Variants in DLG2 observed in about 807,000 individuals in gnomAD.
DLG2 encodes the protein disks large homolog 2.
In DLG2, 45 loss-of-function variants were observed where a neutral mutation model predicts 132.5. The ratio of observed to expected loss-of-function variants is 0.34; its 90% confidence interval spans 0.27 to 0.44. DLG2 has a LOEUF of 0.44. Ranked by LOEUF, DLG2 falls within the 20% of genes least tolerant of loss-of-function variation. DLG2 has a pLI of 1.00. For synonymous variants in DLG2, 424 were observed against 419.6 expected, an observed-to-expected ratio of 1.01 and a Z score of -0.13; for missense variants, 1,045 against 1,196.9, an observed-to-expected ratio of 0.87 and a Z score of 1.87.
chr11:83,756,868 T>A (rs2093670025), intron 18 of DLG2, among the ~76,000 whole-genome samples: 1 of 146,350 alleles, frequency 6.8e-6, no homozygotes, highest in African/African-American at 2.8e-5. Context: ...ATAGTTAGCC[T>A]TTCAGCTTTG....
At chr11:85,414,928 G>T (rs1344823795) in intron 3 of DLG2, among the ~76,000 whole-genome samples, 1 of 151,892 alleles carries the variant, frequency 6.6e-6, no homozygotes, top group East Asian at 1.9e-4. Context: ...TTTTACATAG[G>T]TATACACATG....
intron 18 of DLG2, among the ~76,000 whole-genome samples, chr11:83,657,621 A>C (rs975609254): frequency 4.8e-5 from 7 of 146,552 alleles, no homozygotes; most frequent in Middle Eastern, 7.1e-3. Context: ...TCACTGCAAG[A>C]TCTGCCTCCC....
At chr11:84,303,472 T>C (rs2098179428) in intron 7 of DLG2, among the ~76,000 whole-genome samples, 1 of 152,224 alleles carries the variant, frequency 6.6e-6, no homozygotes, top group South Asian at 2.1e-4. Flanking sequence ...AAAAAGGTCA[T>C]GTAGTCTACA....
At chr11:83,792,067 C>A (rs1285174121) in intron 17 of DLG2, among the ~76,000 whole-genome samples, 2 of 152,042 alleles carry the variant, frequency 1.3e-5, no homozygotes, top group East Asian at 3.9e-4. Flanking sequence ...ATTATCATAT[C>A]AGCTCATATC....
intron 7 of DLG2, among the ~76,000 whole-genome samples, chr11:84,406,789 C>T (rs141751267): frequency 3.3e-4 from 51 of 152,290 alleles, no homozygotes; most frequent in African/African-American, 1.2e-3. Context: ...TATCAATTTC[C>T]CTGTTTTTCA....
chr11:85,550,921 AC>A lies in DLG2; in HGVS notation c.40+47735del, dbSNP rs758992382. The stretch of plus-strand genomic sequence containing the variant: ...AAAGGAAAGAAGGAACAAGTTAGCC[AC>A]CTAGATCCTAAGAAAGACTTTTCAG... On this transcript the variant is annotated intron_variant, in intron 3 of 27. Transcript: ENST00000376104. Among the ~76,000 whole-genome samples the A allele has an allele frequency of 2.0e-5, 3 of 152,250 alleles. No individual in the cohort carries two copies. The East Asian group carries it at 5.8e-4, about 29-fold the overall frequency.
intron 6 of DLG2, among the ~76,000 whole-genome samples, chr11:85,044,679 T>A (rs1490124588): frequency 6.6e-6 from 1 of 151,984 alleles, no homozygotes; most frequent in Non-Finnish European, 1.5e-5. Flanking sequence ...CTGCTTAAAC[T>A]TGCCTATATG....
At chr11:85,427,650 C>T (rs536964585) in intron 3 of DLG2, among the ~76,000 whole-genome samples, 7 of 152,292 alleles carry the variant, frequency 4.6e-5, no homozygotes, top group South Asian at 2.1e-4. Flanking sequence ...AAGGAACAAC[C>T]GGTATCAGCC....
At chr11:84,040,762 T>G (rs1223048459) in intron 11 of DLG2, among the ~76,000 whole-genome samples, 3 of 150,898 alleles carry the variant, frequency 2.0e-5, no homozygotes, top group Admixed American at 6.6e-5. Flanking sequence ...GTGAAGAAAG[T>G]CATTGGTAGC....
At chr11:84,142,275 C>T (rs776842483) in intron 9 of DLG2, among the ~76,000 whole-genome samples, 1 of 144,960 alleles carries the variant, frequency 6.9e-6, no homozygotes, top group East Asian at 2.0e-4. Context: ...GAGCCGAGAT[C>T]GCTCCACTGC....
intron 6 of DLG2, among the ~76,000 whole-genome samples, chr11:84,939,040 A>G (rs944158957): frequency 6.6e-6 from 1 of 152,260 alleles, no homozygotes; most frequent in Non-Finnish European, 1.5e-5. Flanking sequence ...AGATAAATAC[A>G]TAAGATAAAA....
At chr11:84,983,839 G>C (rs1179519747) in intron 6 of DLG2, among the ~76,000 whole-genome samples, 1 of 152,144 alleles carries the variant, frequency 6.6e-6, no homozygotes, top group Non-Finnish European at 1.5e-5. Flanking sequence ...TGCATTTATA[G>C]AAATGCAAAA....
At chr11:85,306,977 A>G (rs2079990700) in intron 3 of DLG2, among the ~76,000 whole-genome samples, 1 of 152,238 alleles carries the variant, frequency 6.6e-6, no homozygotes, top group African/African-American at 2.4e-5. Flanking sequence ...TTGGGAACTC[A>G]TGACAAAGTC....
At chr11:84,308,624 C>T (rs1288698920) in intron 7 of DLG2, among the ~76,000 whole-genome samples, 1 of 152,166 alleles carries the variant, frequency 6.6e-6, no homozygotes, top group Non-Finnish European at 1.5e-5. Flanking sequence ...GGGGAGGCTC[C>T]GGCCGCACAG....
chr11:83,543,516 T>C (rs1293310053), intron 19 of DLG2, among the ~76,000 whole-genome samples: 1 of 152,152 alleles, frequency 6.6e-6, no homozygotes, highest in Non-Finnish European at 1.5e-5. Context: ...GCTCCTACTA[T>C]GTCTTAGTCT....
intron 18 of DLG2, among the ~76,000 whole-genome samples, chr11:83,686,388 A>G (rs1436793215): frequency 6.6e-6 from 1 of 151,386 alleles, no homozygotes; most frequent in Non-Finnish European, 1.5e-5. Flanking sequence ...TAAACATTAT[A>G]TACTAAATAT....
At chr11:83,982,162 CTA>C (rs2092840287) in intron 11 of DLG2, among the ~76,000 whole-genome samples, 2 of 151,968 alleles carry the variant, frequency 1.3e-5, no homozygotes, top group South Asian at 4.2e-4. Flanking sequence ...TAATAAATAA[CTA>C]TGTTCCTGGT....
intron 3 of DLG2, among the ~76,000 whole-genome samples, chr11:85,554,137 G>C (rs2076812353): frequency 6.6e-6 from 1 of 150,440 alleles, no homozygotes; most frequent in South Asian, 2.1e-4. Flanking sequence ...TAAAATAAAA[G>C]AAAGTAGAAG....
intron 6 of DLG2, among the ~76,000 whole-genome samples, chr11:84,624,723 C>T (rs2099619305): frequency 6.6e-6 from 1 of 151,582 alleles, no homozygotes; most frequent in Admixed American, 6.6e-5. Flanking sequence ...TTTCAGTGAA[C>T]ATCACAGGTC....
Sources: gnomAD v4.1 joint callset for allele counts (sites outside exome capture counted in the v4.1 genomes callset) on GRCh38, gnomAD v4.1.1 for gene constraint, MANE v1.5 for transcripts, NCBI Gene and HGNC (gene_info 2026-07-23, HGNC 2026-07-21) for gene names.